MAGI2: variants seen among roughly 807,000 people sequenced by gnomAD.
MAGI2 encodes membrane-associated guanylate kinase, WW and PDZ domain-containing protein 2.
MAGI2 carries 35 observed loss-of-function variants against 133.3 expected under a neutral mutation model. That is an observed-to-expected ratio of 0.26 (90% CI 0.20 to 0.35). The LOEUF (loss-of-function observed/expected upper bound fraction) is 0.35. Ranked by LOEUF, MAGI2 falls within the 10% of genes least tolerant of loss-of-function variation. The probability of loss-of-function intolerance (pLI) is 1.00; values close to 1 mark genes in which losing one functional copy is unlikely to be tolerated. For synonymous variants in MAGI2, 729 were observed against 710.6 expected (o/e 1.03, Z -0.41); for missense variants, 1,636 against 1,863.4 (o/e 0.88, Z 2.25).
intron 2 of MAGI2, among the ~76,000 whole-genome samples, chr7:78,835,370 C>T (rs1222952141): frequency 6.6e-6 from 1 of 152,134 alleles, no homozygotes; most frequent in Non-Finnish European, 1.5e-5. Flanking sequence ...TAATCAGCAA[C>T]AGATGTAGCA....
At chr7:78,752,562 T>A (rs528582771) in intron 2 of MAGI2, among the ~76,000 whole-genome samples, 2 of 152,286 alleles carry the variant, frequency 1.3e-5, no homozygotes, top group East Asian at 3.9e-4. Context: ...AAGGTGGCAC[T>A]GCTGCACTCC....
At chr7:78,402,790 C>T (rs1015132862) in intron 6 of MAGI2, among the ~76,000 whole-genome samples, 5 of 152,168 alleles carry the variant, frequency 3.3e-5, no homozygotes, top group South Asian at 2.1e-4. Flanking sequence ...TTGTTAAGCA[C>T]ATTAATAAAT....
intron 3 of MAGI2, among the ~76,000 whole-genome samples, chr7:78,583,171 G>A (rs1203546795): frequency 6.6e-6 from 1 of 152,056 alleles, no homozygotes; most frequent in African/African-American, 2.4e-5. Flanking sequence ...ATATAAAAAA[G>A]AACTGAGCCT....
At chr7:78,650,293 A>C (rs1811410975) in intron 2 of MAGI2, among the ~76,000 whole-genome samples, 1 of 152,184 alleles carries the variant, frequency 6.6e-6, no homozygotes, top group South Asian at 2.1e-4. Context: ...TCACTCAATC[A>C]TAAAAATGTT....
At chr7:78,398,573 A>C (rs1326900066) in intron 6 of MAGI2, among the ~76,000 whole-genome samples, 1 of 152,014 alleles carries the variant, frequency 6.6e-6, no homozygotes, top group African/African-American at 2.4e-5. Flanking sequence ...GCAAATTGTA[A>C]ATTCTTTTTT....
At chr7:78,589,555 A>C (rs913359625) in intron 3 of MAGI2, among the ~76,000 whole-genome samples, 5 of 152,302 alleles carry the variant, frequency 3.3e-5, no homozygotes, top group African/African-American at 1.2e-4. Context: ...TAATTTGTTG[A>C]ATCTGCTTTC....
intron 1 of MAGI2, among the ~76,000 whole-genome samples, chr7:79,339,817 G>T (rs368774348): frequency 1.5e-3 from 234 of 152,182 alleles, no homozygotes; most frequent in African/African-American, 5.4e-3. Context: ...TATTTCAGAG[G>T]TGTTGTTCCA....
rs543673639 is a variant in MAGI2 at position 78,256,646 on chromosome 7, A to C, written c.1409-65T>G. 2.4e-4 allele frequency: 326 copies of C among 1,353,742 alleles called. 1 individual carries two copies. The highest frequency in any genetic ancestry group is 1.9e-4 in the Middle Eastern group (1 of 5,394). The allele number at this position is 1,353,742 out of a possible 1,614,324, so 83.9% of individuals were successfully genotyped here. A position where few individuals can be genotyped will look rare whatever the true frequency, so the allele number is the denominator to read the frequency against. On this transcript the variant is annotated intron_variant, in intron 9 of 21. Transcript: ENST00000354212. Reference sequence around the variant, plus strand: ...AATTAACATTGACATAGAGAAATGGAATTATTTACGAGACTAGTGAGAGGT... The same window carrying C: ...AATTAACATTGACATAGAGAAATGGCATTATTTACGAGACTAGTGAGAGGT...
intron 7 of MAGI2, among the ~76,000 whole-genome samples, chr7:78,359,732 T>C (rs1036290511): frequency 2.0e-5 from 3 of 152,272 alleles, no homozygotes; most frequent in African/African-American, 7.2e-5. Flanking sequence ...GGAAAGAAAA[T>C]GCTTTAAAAA....
At chr7:78,275,386 G>A (rs1049659779) in intron 9 of MAGI2, among the ~76,000 whole-genome samples, 1 of 152,154 alleles carries the variant, frequency 6.6e-6, no homozygotes, top group Non-Finnish European at 1.5e-5. Context: ...TTCCTATTTG[G>A]CCATCTTGCC....
intron 2 of MAGI2, among the ~76,000 whole-genome samples, chr7:78,865,926 G>T (rs1020561224): frequency 6.6e-6 from 1 of 152,050 alleles, no homozygotes; most frequent in African/African-American, 2.4e-5. Context: ...GGTGAGACAG[G>T]GAACAAGCTA....
At chr7:78,486,899 G>A (rs1314114894) in intron 6 of MAGI2, 2 of 514,880 alleles carry the variant, frequency 3.9e-6, no homozygotes, top group Non-Finnish European at 7.8e-6. Context: ...TCAAATCTTT[G>A]TGGGCCAGGA....
intron 10 of MAGI2, among the ~76,000 whole-genome samples, chr7:78,225,002 C>A (rs1199274936): frequency 6.6e-6 from 1 of 152,138 alleles, no homozygotes; most frequent in Non-Finnish European, 1.5e-5. Flanking sequence ...CTCCAACTTA[C>A]ACAGAATTGG....
intron 1 of MAGI2, among the ~76,000 whole-genome samples, chr7:79,092,037 G>A (rs1817106536): frequency 6.6e-6 from 1 of 151,880 alleles, no homozygotes; most frequent in Non-Finnish European, 1.5e-5. Context: ...ATGCTAACCA[G>A]AAGAAAAAGA....
intron 21 of MAGI2, among the ~76,000 whole-genome samples, chr7:78,067,100 G>C (rs1409936093): frequency 6.6e-6 from 1 of 152,204 alleles, no homozygotes; most frequent in African/African-American, 2.4e-5. Flanking sequence ...TGGAGGGTAA[G>C]GAAGCACATG....
intron 2 of MAGI2, among the ~76,000 whole-genome samples, chr7:78,836,420 G>A (rs1262040277): frequency 1.3e-5 from 2 of 152,016 alleles, no homozygotes; most frequent in Non-Finnish European, 2.9e-5. Flanking sequence ...CTATAGCATA[G>A]CTAGCTTAAT....
At chr7:79,406,772 TGAA>T (rs1845833452) in intron 1 of MAGI2, among the ~76,000 whole-genome samples, 1 of 152,082 alleles carries the variant, frequency 6.6e-6, no homozygotes, top group South Asian at 2.1e-4. Flanking sequence ...TAAAAGGCTG[TGAA>T]GAAAACAGAA....
At chr7:78,902,304 G>T (rs929312811) in intron 2 of MAGI2, among the ~76,000 whole-genome samples, 3 of 152,110 alleles carry the variant, frequency 2.0e-5, no homozygotes, top group Non-Finnish European at 2.9e-5. Context: ...CATATTGCTG[G>T]CTGGTAAACT....
At position 79,160,969 on chromosome 7, in the gene MAGI2, C is replaced by G. The variant is rs868704785; in HGVS notation, c.302-153763G>C. Among the ~76,000 whole-genome samples the G allele has an allele frequency of 2.0e-5, 3 of 152,114 alleles. No individual in the cohort carries two copies. In the South Asian group the frequency reaches 6.2e-4, roughly 32 times the overall value. ...TCTCTCATAGGTCTTACAGATGCAACTCCCTACTGGGAATCCCAAACTCCT... is the reference window on the plus strand; with the variant it reads ...TCTCTCATAGGTCTTACAGATGCAAGTCCCTACTGGGAATCCCAAACTCCT... On this transcript the variant is annotated intron_variant, in intron 1 of 21. Coordinates refer to ENST00000354212, the MANE Select transcript of MAGI2 (RefSeq NM_012301.4).
Sources: gnomAD v4.1 joint callset for allele counts (sites outside exome capture counted in the v4.1 genomes callset) on GRCh38, gnomAD v4.1.1 for gene constraint, MANE v1.5 for transcripts, NCBI Gene and HGNC (gene_info 2026-07-23, HGNC 2026-07-21) for gene names.